Variants in FLT1 observed in about 807,000 individuals in gnomAD.
The protein encoded by FLT1 is vascular endothelial growth factor receptor 1.
FLT1 carries 49 observed loss-of-function variants against 156.3 expected under a neutral mutation model. The ratio of observed to expected loss-of-function variants is 0.31; its 90% CI spans 0.25 to 0.40. The LOEUF (loss-of-function observed/expected upper bound fraction) is 0.40, where lower values mean the gene tolerates loss of function less well. Ranked by LOEUF, FLT1 falls within the 10% of genes least tolerant of loss-of-function variation. The probability of loss-of-function intolerance (pLI) is 1.00; values close to 1 mark genes in which losing one functional copy is unlikely to be tolerated. For missense variants in FLT1, 1,322 were observed against 1,637.2 expected (o/e 0.81, Z 3.32); for synonymous variants, 594 against 583.8 (o/e 1.02, Z -0.25).
intron 14 of FLT1, among the ~76,000 whole-genome samples, chr13:28,370,371 A>G (rs1182878896): frequency 2.0e-5 from 3 of 152,184 alleles, no homozygotes; most frequent in Non-Finnish European, 2.9e-5. Flanking sequence ...ATGTTAAATG[A>G]CGAGTTAATG....
At chr13:28,455,680 A>G (rs1213666161) in intron 3 of FLT1, among the ~76,000 whole-genome samples, 4 of 152,226 alleles carry the variant, frequency 2.6e-5, no homozygotes, top group Non-Finnish European at 4.4e-5. Context: ...AAAAGACAAC[A>G]TCAAGAGAAT....
At chr13:28,401,465 G>C (rs962385849) in intron 11 of FLT1, among the ~76,000 whole-genome samples, 1 of 152,114 alleles carries the variant, frequency 6.6e-6, no homozygotes, top group African/African-American at 2.4e-5. Flanking sequence ...CCTTCACTAA[G>C]CATTAGTAAT....
chr13:28,493,894 C>G (rs1299165430), intron 1 of FLT1, among the ~76,000 whole-genome samples: 2 of 152,252 alleles, frequency 1.3e-5, no homozygotes, highest in African/African-American at 2.4e-5. Flanking sequence ...CAAACCACAT[C>G]GTTTGGTCAA....
intron 10 of FLT1, 48 bp downstream of exon 10, chr13:28,427,111 G>C: frequency 6.5e-6 from 10 of 1,529,162 alleles, no homozygotes; most frequent in Non-Finnish European, 9.1e-6. Flanking sequence ...CTTAATTCCA[G>C]GTGTCAAAAA....
At position 28,384,869 on chromosome 13, in the gene FLT1, A is replaced by G. The variant is rs1874261454; in HGVS notation, c.2116+16T>C. 6 of 1,613,136 alleles carry G rather than the reference A, an allele frequency of 3.7e-6. No individual in the cohort carries two copies. The highest frequency in any genetic ancestry group is 4.2e-6 in the Non-Finnish European group (5 of 1,179,276). On this transcript the variant is annotated intron_variant, in intron 14 of 29. Coordinates refer to ENST00000282397, the MANE Select transcript of FLT1 (RefSeq NM_002019.4). ...AAGATGAGAAATAATAAATGGAAGA[A>G]AAAAAAGTCTCTTACCAGGCTCTTG...
intron 3 of FLT1, among the ~76,000 whole-genome samples, chr13:28,442,124 T>C (rs1878363861): frequency 6.6e-6 from 1 of 152,174 alleles, no homozygotes; most frequent in Non-Finnish European, 1.5e-5. Flanking sequence ...GGGTTTCTTA[T>C]CAGAATTAAA....
At chr13:28,409,428 G>C (rs1440987706) in intron 10 of FLT1, among the ~76,000 whole-genome samples, 4 of 151,278 alleles carry the variant, frequency 2.6e-5, no homozygotes, top group African/African-American at 9.7e-5. Flanking sequence ...TTGACCTCCT[G>C]GGCTCAACTG....
chr13:28,480,895 G>C (rs1317120983), intron 1 of FLT1, among the ~76,000 whole-genome samples: 1 of 152,192 alleles, frequency 6.6e-6, no homozygotes, highest in Non-Finnish European at 1.5e-5. Context: ...AAGACGACCG[G>C]GGTGGAGACT....
intron 14 of FLT1, among the ~76,000 whole-genome samples, chr13:28,358,163 A>T (rs964150371): frequency 1.3e-5 from 2 of 152,200 alleles, no homozygotes; most frequent in Non-Finnish European, 2.9e-5. Context: ...AAATGAGGAA[A>T]CTGAGATTCT....
chr13:28,397,871 C>T lies in FLT1; in HGVS notation c.1552-803G>A, dbSNP rs7338395. Among the ~76,000 whole-genome samples the T allele has an allele frequency of 5.7e-3, 857 of 150,850 alleles. 6 individuals are homozygous for T. The highest frequency in any genetic ancestry group is 0.019 in the African/African-American group (797 of 41,042). On this transcript the variant is annotated intron_variant, in intron 11 of 29. Transcript: ENST00000282397. ...TGAAAATTTAAATTATGAATTAATGCAATTATATTGTTCCACTAGACTTTA... is the reference window on the plus strand; with the variant it reads ...TGAAAATTTAAATTATGAATTAATGTAATTATATTGTTCCACTAGACTTTA...
intron 16 of FLT1, among the ~76,000 whole-genome samples, 200 bp downstream of exon 16, chr13:28,345,245 G>A (rs1040239152): frequency 1.3e-5 from 2 of 152,022 alleles, no homozygotes; most frequent in African/African-American, 4.8e-5. Context: ...CATTGTTACG[G>A]CTTTTCTTTT....
intron 13 of FLT1, chr13:28,389,094 C>G: frequency 9.4e-7 from 1 of 1,064,416 alleles, no homozygotes; most frequent in Non-Finnish European, 1.1e-6. Flanking sequence ...CAACATCTTG[C>G]ACCCCTGGGG....
At chr13:28,397,627 T>C (rs759255769) in intron 11 of FLT1, among the ~76,000 whole-genome samples, 12 of 151,984 alleles carry the variant, frequency 7.9e-5, no homozygotes, top group Non-Finnish European at 1.3e-4. Context: ...GCTCAAGCAG[T>C]TTTCCCGCTT....
chr13:28,389,511 C>A, intron 13 of FLT1: 3 of 1,415,748 alleles, frequency 2.1e-6, no homozygotes, highest in Non-Finnish European at 2.7e-6. Flanking sequence ...AAACGTGCAC[C>A]AAGTCGGCCC....
chr13:28,339,378 G>A, intron 16 of FLT1, 78 bp from the exon 17 acceptor site: 2 of 1,483,048 alleles, frequency 1.3e-6, no homozygotes, highest in Non-Finnish European at 1.8e-6. Flanking sequence ...AACATCCACT[G>A]TTTTATTTGG....
intron 3 of FLT1, among the ~76,000 whole-genome samples, chr13:28,450,699 T>C (rs1878882470): frequency 6.6e-6 from 1 of 152,230 alleles, no homozygotes; most frequent in Non-Finnish European, 1.5e-5. Context: ...CTCTGAATCA[T>C]AACATTATAA....
In FLT1 at chr13:28,494,859, G is replaced by T; in HGVS notation, c.-16C>A. The T allele has an allele frequency of 6.5e-7, 1 of 1,534,382 alleles. No individual in the cohort carries two copies. ...AGCTGACCATGGTGAGCGCGACGCGGCCTGCTCGCCCGGTGCCCGCGCTCC... is the reference window on the plus strand; with the variant it reads ...AGCTGACCATGGTGAGCGCGACGCGTCCTGCTCGCCCGGTGCCCGCGCTCC... On this transcript the variant is annotated 5_prime_UTR_variant, in exon 1 of 30. Transcript: ENST00000282397.
intron 25 of FLT1, among the ~76,000 whole-genome samples, chr13:28,316,620 G>A (rs1871216053): frequency 6.6e-6 from 1 of 151,526 alleles, no homozygotes; most frequent in Admixed American, 6.6e-5. Flanking sequence ...CAGCTGCTGG[G>A]CCTATTCCTA....
At chr13:28,353,541 C>G (rs1477621556) in intron 15 of FLT1, among the ~76,000 whole-genome samples, 3 of 144,126 alleles carry the variant, frequency 2.1e-5, no homozygotes, top group African/African-American at 7.7e-5. Context: ...CCACTGCACT[C>G]TAGCCTGGCT....
Sources: gnomAD v4.1 joint callset for allele counts (sites outside exome capture counted in the v4.1 genomes callset) on GRCh38, gnomAD v4.1.1 for gene constraint, MANE v1.5 for transcripts, NCBI Gene and HGNC (gene_info 2026-07-23, HGNC 2026-07-21) for gene names.